PCOLCE2: variants seen among roughly 807,000 people sequenced by gnomAD.
PCOLCE2 encodes the protein procollagen C-proteinase enhancer 2.
Under a neutral mutation model 47.0 loss-of-function variants are expected in PCOLCE2, and 42 were observed. That is an observed-to-expected ratio of 0.89 (90% confidence interval 0.70 to 1.16). The LOEUF is 1.16. Among genes scored for constraint, PCOLCE2 ranks in the 50% most tolerant of loss-of-function variants. The pLI is 0.00. For synonymous variants in PCOLCE2, 169 were observed against 191.7 expected, an observed-to-expected ratio of 0.88 and a Z score of 0.98; for missense variants, 500 against 526.1, an observed-to-expected ratio of 0.95 and a Z score of 0.49.
At chr3:142,875,791 C>T (rs1220646090) in intron 2 of PCOLCE2, among the ~76,000 whole-genome samples, 2 of 152,082 alleles carry the variant, frequency 1.3e-5, no homozygotes, top group Non-Finnish European at 2.9e-5. Context: ...AAAAACAGAC[C>T]CTTCAGCTCC....
chr3:142,882,352 A>G (rs917762494), intron 2 of PCOLCE2, among the ~76,000 whole-genome samples: 2 of 151,824 alleles, frequency 1.3e-5, no homozygotes, highest in African/African-American at 4.8e-5. Context: ...GGCCTCTCCC[A>G]TATTTTCTTC....
At chr3:142,836,680 T>A (rs759103465) in intron 5 of PCOLCE2, among the ~76,000 whole-genome samples, 1 of 152,118 alleles carries the variant, frequency 6.6e-6, no homozygotes, top group Non-Finnish European at 1.5e-5. Context: ...AGGAGAGACA[T>A]GGAAGAAAAG....
intron 2 of PCOLCE2, among the ~76,000 whole-genome samples, chr3:142,879,814 C>T (rs1933572584): frequency 1.3e-5 from 2 of 151,654 alleles, no homozygotes; most frequent in South Asian, 2.1e-4. Context: ...CTAAAAAATA[C>T]AAAAAATTAG....
chr3:142,854,612 T>C (rs1391275951), intron 2 of PCOLCE2, among the ~76,000 whole-genome samples: 1 of 152,148 alleles, frequency 6.6e-6, no homozygotes, highest in African/African-American at 2.4e-5. Context: ...TTTGGGGATT[T>C]CACTAAAAAA....
Position 142,842,932 on chromosome 3 carries a change from T to G in PCOLCE2, c.565A>C (p.Lys189Gln), listed in dbSNP as rs202225765. 5.0e-6 allele frequency: 8 copies of G among 1,614,106 alleles called. No individual in the cohort carries two copies. Among genetic ancestry groups the G allele is most frequent in the Non-Finnish European group, 6.8e-6 (8 of 1,179,966 alleles). ...CTTCCAGGGAATCTCACCTGATTCT[T>G]TGGGGCTACAATGTGCCACACACAA... ...VTCVWHIVAP[K>Q]NQLIELKFEK... The change falls in exon 4 of 9, where the codon AAG becomes CAG. Residue 189 changes from lysine (K) to glutamine (Q), a missense_variant. Coordinates refer to ENST00000295992, the MANE Select transcript of PCOLCE2 (RefSeq NM_013363.4). This position sits in a 1 kb window ranked among gnomAD's most constrained non-coding sequence, Gnocchi z 4.1.
At chr3:142,868,664 A>C (rs1302099310) in intron 2 of PCOLCE2, among the ~76,000 whole-genome samples, 2 of 151,844 alleles carry the variant, frequency 1.3e-5, no homozygotes, top group Non-Finnish European at 2.9e-5. Flanking sequence ...TCACACCGTC[A>C]CTCTCTTTAA....
intron 3 of PCOLCE2, chr3:142,843,315 A>G (rs561350750): frequency 2.0e-6 from 1 of 509,406 alleles, no homozygotes. Context: ...TTTTCCTTAG[A>G]CAAGGAAGAC....
rs1434082427 is a variant in PCOLCE2, at chr3:142,881,127, G to A, written c.192+6542C>T. Among the ~76,000 whole-genome samples, 3 of 152,102 alleles carry A rather than the reference G, an allele frequency of 2.0e-5. No homozygotes were observed. The East Asian group carries it at 5.8e-4, about 29-fold the overall frequency. ...TATGCCTTGTCTTTCTACCCCCACA[G>A]TCCAGTGCAATGCCTACTACACAGG... is the stretch of plus-strand genomic sequence containing the variant. On this transcript the variant is annotated intron_variant, in intron 2 of 8. Coordinates refer to ENST00000295992, the MANE Select transcript of PCOLCE2 (RefSeq NM_013363.4).
intron 2 of PCOLCE2, among the ~76,000 whole-genome samples, chr3:142,883,455 T>C (rs1192329161): frequency 6.6e-6 from 1 of 151,882 alleles, no homozygotes; most frequent in Non-Finnish European, 1.5e-5. Flanking sequence ...GTCTCGCTCT[T>C]GTTGCCCAGG....
chr3:142,821,448 G>A (rs1298883061), intron 7 of PCOLCE2, among the ~76,000 whole-genome samples: 1 of 152,122 alleles, frequency 6.6e-6, no homozygotes, highest in African/African-American at 2.4e-5. Context: ...TGCGCGATGG[G>A]GGTTTGGGCC....
intron 7 of PCOLCE2, among the ~76,000 whole-genome samples, chr3:142,821,293 C>A (rs1316896903): frequency 9.2e-5 from 14 of 152,152 alleles, no homozygotes; most frequent in African/African-American, 3.4e-4. Flanking sequence ...ACACTGCGGT[C>A]CATTGCCAAG....
rs546314502 is a variant in PCOLCE2, at chr3:142,885,109, G to T, written c.192+2560C>A. 1.1e-3 allele frequency among the ~76,000 whole-genome samples: 166 copies of T among 152,326 alleles called. 1 individual carries two copies. The highest frequency in any genetic ancestry group is 3.9e-3 in the African/African-American group (161 of 41,574). ...TCGCATCAGAAAGTCCAACACGAAG[G>T]ACTGGAAGTTTGGTGGTAACAACTA... On this transcript the variant is annotated intron_variant, in intron 2 of 8. Coordinates refer to ENST00000295992, the MANE Select transcript of PCOLCE2 (RefSeq NM_013363.4).
intron 5 of PCOLCE2, among the ~76,000 whole-genome samples, chr3:142,836,759 G>C (rs1937208081): frequency 6.6e-6 from 1 of 151,938 alleles, no homozygotes; most frequent in African/African-American, 2.4e-5. Context: ...AGGTTTATAG[G>C]CTATGGGGAA....
At chr3:142,828,049 G>A (rs551962103) in intron 6 of PCOLCE2, among the ~76,000 whole-genome samples, 10 of 152,232 alleles carry the variant, frequency 6.6e-5, no homozygotes, top group South Asian at 6.2e-4. Context: ...AGCACAGTTC[G>A]CCTGGACCAG....
At chr3:142,883,709 A>AC (rs113129492) in intron 2 of PCOLCE2, among the ~76,000 whole-genome samples, 29,904 of 152,046 alleles carry the variant, frequency 0.2, 3,252 homozygotes, top group South Asian at 0.27. Flanking sequence ...TAAAAAAAAA[A>AC]AAAACACATA....
At chr3:142,849,072 G>C (rs955181632) in intron 2 of PCOLCE2, among the ~76,000 whole-genome samples, 2 of 151,810 alleles carry the variant, frequency 1.3e-5, no homozygotes, top group Non-Finnish European at 2.9e-5. Context: ...AGAATGGCGT[G>C]AACCCGGGAG....
chr3:142,860,381 G>A (rs768138937), intron 2 of PCOLCE2, among the ~76,000 whole-genome samples: 1 of 151,752 alleles, frequency 6.6e-6, no homozygotes, highest in Non-Finnish European at 1.5e-5. Flanking sequence ...TTCACTGCTG[G>A]GCTAATATTT....
intron 2 of PCOLCE2, chr3:142,863,900 C>T (rs913819813): frequency 6.6e-6 from 1 of 151,858 alleles, no homozygotes; most frequent in African/African-American, 2.4e-5. Flanking sequence ...CTCATGATTC[C>T]TGGAGAAGAG....
At chr3:142,836,118 T>A (rs1466343561) in intron 5 of PCOLCE2, among the ~76,000 whole-genome samples, 1 of 152,242 alleles carries the variant, frequency 6.6e-6, no homozygotes, top group Non-Finnish European at 1.5e-5. Context: ...TGACCTGTTT[T>A]TTTGGGGACA....
Sources: allele counts gnomAD v4.1 joint callset (sites outside exome capture counted in the v4.1 genomes callset), GRCh38; gene constraint gnomAD v4.1.1; non-coding constraint Gnocchi (gnomAD v3.1); transcripts MANE v1.5; gene names NCBI Gene and HGNC (gene_info 2026-07-23, HGNC 2026-07-21).